Variants in ANG observed in about 807,000 individuals in gnomAD.
ANG encodes Homo sapiens epididymis luminal protein 168.
For missense variants in ANG, 178 were observed against 187.4 expected, an observed-to-expected ratio of 0.95 and a Z score of 0.29; for synonymous variants, 74 against 73.8, an observed-to-expected ratio of 1.00 and a Z score of -0.02.
chr14:20,686,153 T>C (rs1886416417), upstream of ANG, among the ~76,000 whole-genome samples: 1 of 152,174 alleles, frequency 6.6e-6, no homozygotes, highest in African/African-American at 2.4e-5. Context: ...TTGGCTCTTC[T>C]TTAATATGAG....
intron 1 of ANG, among the ~76,000 whole-genome samples, chr14:20,693,009 G>T (rs1170376342): frequency 6.6e-6 from 1 of 151,606 alleles, no homozygotes; most frequent in South Asian, 2.1e-4. Context: ...CACTACGCCC[G>T]GCTAATTTTT....
At chr14:20,692,576 C>A (rs542587461) in intron 1 of ANG, among the ~76,000 whole-genome samples, 46 of 152,310 alleles carry the variant, frequency 3.0e-4, no homozygotes, top group Middle Eastern at 3.4e-3. Flanking sequence ...TGTGCGGGAT[C>A]CAGATTGTGC....
Position 20,693,749 on chromosome 14 carries a change from C to CCTGCA in ANG, c.186_190dup (p.Lys64ThrfsTer32), listed in dbSNP as rs747227363. ...ATGAGGAGACGGGGCCTGACCTCAC[C>CCTGCA]CTGCAAAGACATCAACACATTTATT... On this transcript the variant is annotated frameshift_variant, in exon 2 of 2. Transcript: ENST00000397990. LOFTEE classifies it low-confidence loss of function (END_TRUNC). 17 of 1,614,136 alleles carry CCTGCA rather than the reference C, an allele frequency of 1.1e-5. No individual in the cohort carries two copies. The South Asian group carries it at 1.8e-4, about 17-fold the overall frequency.
At chr14:20,690,245 A>G (rs952965992) in intron 1 of ANG, among the ~76,000 whole-genome samples, 25 of 149,694 alleles carry the variant, frequency 1.7e-4, no homozygotes, top group African/African-American at 3.4e-4. Context: ...AAAAAAAAAA[A>G]AAAGAAAAGA....
chr14:20,688,041 G>C (rs1886506039), upstream of ANG, among the ~76,000 whole-genome samples: 1 of 152,186 alleles, frequency 6.6e-6, no homozygotes, highest in African/African-American at 2.4e-5. Context: ...CGCAAGCAAT[G>C]GATCTACAGC....
At chr14:20,690,221 C>CAAAATAAAA (rs1886664248) in intron 1 of ANG, among the ~76,000 whole-genome samples, 1 of 67,978 alleles carries the variant, frequency 1.5e-5, no homozygotes, top group Non-Finnish European at 2.5e-5. Context: ...GACTCCGTCT[C>CAAAATAAAA]AAAAAAAAAA....
chr14:20,692,329 T>C (rs1886801986), intron 1 of ANG, among the ~76,000 whole-genome samples: 1 of 152,234 alleles, frequency 6.6e-6, no homozygotes, highest in Non-Finnish European at 1.5e-5. Flanking sequence ...TAGGTCTGCT[T>C]CCCTTCAACT....
upstream of ANG, among the ~76,000 whole-genome samples, chr14:20,685,852 C>T (rs889135655): frequency 6.6e-6 from 1 of 151,854 alleles, no homozygotes; most frequent in African/African-American, 2.4e-5. Flanking sequence ...CCAGCCTGGC[C>T]AAGATGGTGA....
intron 1 of ANG, among the ~76,000 whole-genome samples, chr14:20,692,150 G>A (rs781030694): frequency 6.6e-6 from 1 of 152,132 alleles, no homozygotes; most frequent in Non-Finnish European, 1.5e-5. Context: ...TACATTTGGG[G>A]TCATAAGAAT....
At chr14:20,691,921 C>A (rs1886772133) in intron 1 of ANG, among the ~76,000 whole-genome samples, 2 of 152,196 alleles carry the variant, frequency 1.3e-5, no homozygotes, top group African/African-American at 4.8e-5. Flanking sequence ...AACAGGCTAG[C>A]CACACCACAG....
chr14:20,685,197 C>A (rs1057273911), upstream of ANG, among the ~76,000 whole-genome samples: 2 of 152,158 alleles, frequency 1.3e-5, no homozygotes, highest in Non-Finnish European at 2.9e-5. Flanking sequence ...TGCCTCCTCA[C>A]CCTTAACCCA....
upstream of ANG, among the ~76,000 whole-genome samples, chr14:20,685,539 A>T (rs1446206819): frequency 6.6e-6 from 1 of 152,242 alleles, no homozygotes; most frequent in East Asian, 1.9e-4. Context: ...TTCAAGACTT[A>T]CTTAACCACA....
At chr14:20,686,058 A>AAT, upstream of ANG, among the ~76,000 whole-genome samples, 1 of 137,994 alleles carries the variant, frequency 7.2e-6, no homozygotes, top group Non-Finnish European at 1.6e-5. Flanking sequence ...AAAAAAAAAA[A>AAT]ATTGTGTGGT....
rs141398857 is a variant in ANG, at chr14:20,693,920, G to T, written c.356G>T (p.Arg119Leu). 1.6e-5 allele frequency: 26 copies of T among 1,613,978 alleles called. No individual in the cohort carries two copies. Among genetic ancestry groups the T allele is most frequent in the Non-Finnish European group, 2.2e-5 (26 of 1,180,014 alleles). ...TCCCCCTGGCCTCCATGCCAGTACC[G>T]AGCCACAGCGGGGTTCAGAAACGTT... Reference protein sequence around the residue: ...GGSPWPPCQYRATAGFRNVVV... With the variant: ...GGSPWPPCQYLATAGFRNVVV... The change falls in exon 2 of 2, where the codon CGA becomes CTA. Residue 119 changes from arginine to leucine, a missense_variant. Transcript: ENST00000397990.
upstream of ANG, among the ~76,000 whole-genome samples, chr14:20,686,567 A>G (rs1246319780): frequency 6.6e-6 from 1 of 152,230 alleles, no homozygotes; most frequent in Non-Finnish European, 1.5e-5. Flanking sequence ...CTTGGGAAAG[A>G]GGGAATGGGA....
Position 20,694,139 on chromosome 14 carries a change from G to T in ANG, c.*131G>T. ...GAGCTACCTGGACCTTTTGTTTTCT[G>T]TTTGACAACATGTTTAATAAATAAA... On this transcript the variant is annotated 3_prime_UTR_variant, in exon 2 of 2. Coordinates refer to ENST00000397990, the MANE Select transcript of ANG (RefSeq NM_001097577.3). 1 of 960,366 alleles carries T rather than the reference G, an allele frequency of 1.0e-6. No homozygotes were observed. Among genetic ancestry groups the T allele is most frequent in the South Asian group, 1.4e-5 (1 of 72,564 alleles). 59.5% of individuals were successfully genotyped at this position (960,366 alleles called of 1,614,324 possible).
chr14:20,692,476 G>A (rs1566601148), intron 1 of ANG, among the ~76,000 whole-genome samples: 1 of 152,260 alleles, frequency 6.6e-6, no homozygotes. Flanking sequence ...ATCCCGGTCT[G>A]TGGCCTGTCC....
In ANG at chr14:20,693,407, A is replaced by T; in HGVS notation, c.-18-140A>T. The T allele has an allele frequency of 9.8e-6, 11 of 1,120,658 alleles. 1 individual carries two copies. The South Asian group carries it at 1.5e-4, about 15-fold the overall frequency. 69.4% of individuals were successfully genotyped at this position (1,120,658 alleles called of 1,614,324 possible). A position where few individuals can be genotyped will look rare whatever the true frequency, so the allele number is the denominator to read the frequency against. On this transcript the variant is annotated intron_variant, in intron 1 of 1. Transcript: ENST00000397990. ...TTGACGAAGTGTGAGGTTAATGAGG[A>T]AGGGAAAATAGAATATAAAATTTGG...
chr14:20,689,459 A>G (rs1032044301), intron 1 of ANG, among the ~76,000 whole-genome samples: 1 of 152,248 alleles, frequency 6.6e-6, no homozygotes, highest in African/African-American at 2.4e-5. Flanking sequence ...CACATTGATG[A>G]AAATGATAAC....
Sources: gnomAD v4.1 joint callset for allele counts (sites outside exome capture counted in the v4.1 genomes callset) on GRCh38, gnomAD v4.1.1 for gene constraint, MANE v1.5 for transcripts, NCBI Gene and HGNC (gene_info 2026-07-23, HGNC 2026-07-21) for gene names.